The following ADARB1 variants were observed in gnomAD, a reference collection of about 807,000 sequenced individuals.
ADARB1 encodes the protein double-stranded RNA-specific editase 1.
Under a neutral mutation model 52.4 loss-of-function variants are expected in ADARB1, and 10 were observed. The observed-to-expected ratio is 0.19, with a 90% confidence interval of 0.12 to 0.32. ADARB1 has a LOEUF of 0.32. Ranked by LOEUF, ADARB1 falls within the 10% of genes least tolerant of loss-of-function variation. The pLI, the probability that ADARB1 is intolerant of heterozygous loss-of-function variation, is 1.00. For missense variants in ADARB1, 643 were observed against 922.3 expected, an observed-to-expected ratio of 0.70 and a Z score of 3.92; for synonymous variants, 349 against 371.1, an observed-to-expected ratio of 0.94 and a Z score of 0.68.
At chr21:45,178,525 C>A (rs958534858) in intron 4 of ADARB1, among the ~76,000 whole-genome samples, 4 of 152,196 alleles carry the variant, frequency 2.6e-5, no homozygotes, top group Non-Finnish European at 4.4e-5. Context: ...GTGACGTGTT[C>A]CTTGTAGGAC....
rs1162148529 is a variant in ADARB1, at chr21:45,157,315, A to G, written c.-47-14295A>G. Among the ~76,000 whole-genome samples, 1 of 152,244 alleles carries G rather than the reference A, an allele frequency of 6.6e-6. No individual in the cohort carries two copies. Among genetic ancestry groups the G allele is most frequent in the East Asian group, 1.9e-4 (1 of 5,200 alleles). On this transcript the variant is annotated intron_variant, in intron 2 of 10. Transcript: ENST00000348831. The surrounding 1 kb of genome is among the most constrained non-coding windows in gnomAD (Gnocchi z 4.1). ...AACAGTGCCAATTCTTAGTGCAGTTATAAGTGTTAATATTGAAAATAAAGT... is the reference window on the plus strand; with the variant it reads ...AACAGTGCCAATTCTTAGTGCAGTTGTAAGTGTTAATATTGAAAATAAAGT...
chr21:45,202,177 G>A (rs1320716970), intron 8 of ADARB1, among the ~76,000 whole-genome samples: 2 of 152,186 alleles, frequency 1.3e-5, no homozygotes, highest in African/African-American at 2.4e-5. Context: ...CCTTAGGAGA[G>A]GGCGTCATGA....
At position 45,127,301 on chromosome 21, in the gene ADARB1, A is replaced by AT. The variant is rs374149414; in HGVS notation, c.-219-1100dup. On this transcript the variant is annotated intron_variant, in intron 1 of 10. Coordinates refer to ENST00000348831, the MANE Select transcript of ADARB1 (RefSeq NM_001112.4). ...GGAGCTTGAATCTGGTGTGGGGATG[A>AT]TGGGGGTCATTGATAGTGGGGACAG... Among the ~76,000 whole-genome samples the AT allele has an allele frequency of 3.5e-3, 531 of 152,166 alleles. 4 individuals are homozygous for AT. The highest frequency in any genetic ancestry group is 0.012 in the African/African-American group (480 of 41,488).
chr21:45,128,876 T>G lies in ADARB1; in HGVS notation c.-48+303T>G, dbSNP rs2088760225. On this transcript the variant is annotated intron_variant, in intron 2 of 10. Coordinates refer to ENST00000348831, the MANE Select transcript of ADARB1 (RefSeq NM_001112.4). This position sits in a 1 kb window ranked among gnomAD's most constrained non-coding sequence, Gnocchi z 4.6. ...GCCCTCTTTGGGGTCAGTTCACCAT[T>G]TATTGAGTCAGTGCTTCATGCCGGG... 6.6e-6 allele frequency among the ~76,000 whole-genome samples: 1 copy of G among 152,186 alleles called. No homozygotes were observed. The highest frequency in any genetic ancestry group is 2.4e-5 in the African/African-American group (1 of 41,446).
chr21:45,206,407 A>T (rs1043061090), intron 9 of ADARB1, among the ~76,000 whole-genome samples: 17 of 152,360 alleles, frequency 1.1e-4, no homozygotes, highest in African/African-American at 3.8e-4. Flanking sequence ...AGTAGAGCTC[A>T]TTTATAAAAG....
chr21:45,140,046 C>G (rs190565393), intron 2 of ADARB1, among the ~76,000 whole-genome samples: 69 of 146,276 alleles, frequency 4.7e-4, no homozygotes, highest in African/African-American at 1.7e-3. Context: ...CAGGCTCAAG[C>G]GATTCTCCTG....
At chr21:45,184,796 G>T in intron 7 of ADARB1, 127 bp from the exon 8 acceptor site, 1 of 1,074,234 alleles carries the variant, frequency 9.3e-7, no homozygotes, top group Non-Finnish European at 1.4e-6. Context: ...TGTATGTATG[G>T]CATAAACATA....
intron 2 of ADARB1, among the ~76,000 whole-genome samples, chr21:45,169,596 G>A (rs1356758064): frequency 1.3e-5 from 2 of 152,174 alleles, no homozygotes; most frequent in Admixed American, 6.5e-5. Context: ...TGTGTTTTAT[G>A]TATAATATCC....
chr21:45,113,545 A>G (rs1374918824), intron 1 of ADARB1, among the ~76,000 whole-genome samples: 1 of 150,826 alleles, frequency 6.6e-6, no homozygotes, highest in African/African-American at 2.4e-5. Context: ...ATATGTTGAC[A>G]TGTGAGTTTT....
intron 2 of ADARB1, among the ~76,000 whole-genome samples, chr21:45,155,774 TCCATCCACCCACCCACCCAC>T (rs140368329): frequency 0.17 from 11,355 of 65,538 alleles, 806 homozygotes; most frequent in African/African-American, 0.31. Flanking sequence ...CATTCATCCA[TCCATCCACCCACCCACCCAC>T]CCATCATCAC....
intron 1 of ADARB1, among the ~76,000 whole-genome samples, chr21:45,101,680 T>C (rs1226928590): frequency 6.6e-6 from 1 of 152,202 alleles, no homozygotes; most frequent in East Asian, 1.9e-4. Context: ...ATTTCTTTCC[T>C]GAAGCAGAAA....
Position 45,220,721 on chromosome 21 carries a change from T to C in ADARB1, c.1748-115T>C. On this transcript the variant is annotated intron_variant, in intron 9 of 10. Transcript: ENST00000348831. This position sits in a 1 kb window ranked among gnomAD's most constrained non-coding sequence, Gnocchi z 6.3. ...TGCGTATATTCCTCGGCAGGCAGAA[T>C]TCCCCCACCACGCACTTCTGTGGCC... 1 of 1,131,452 alleles carries C rather than the reference T, an allele frequency of 8.8e-7. No homozygotes were observed. Among genetic ancestry groups the C allele is most frequent in the Non-Finnish European group, 1.3e-6 (1 of 781,612 alleles). The allele number at this position is 1,131,452 out of a possible 1,614,324, so 70.1% of individuals were successfully genotyped here.
chr21:45,176,252 A>G lies in ADARB1; in HGVS notation c.551A>G (p.Asp184Gly). ...DTLFNGFETP[D>G]KAEPPFYVGS... ...CTCTTCAATGGTTTTGAAACTCCTG[A>G]CAAGGCGGAGCCTCCCTTTTACGTG... The change falls in exon 4 of 11, where the codon GAC becomes GGC. Residue 184 changes from aspartate (D) to glycine (G), a missense_variant. Transcript: ENST00000348831. The surrounding 1 kb of genome is among the most constrained non-coding windows in gnomAD (Gnocchi z 5.8). 1 of 1,614,162 alleles carries G rather than the reference A, an allele frequency of 6.2e-7. No individual in the cohort carries two copies. Among genetic ancestry groups the G allele is most frequent in the Non-Finnish European group, 8.5e-7 (1 of 1,180,016 alleles).
intron 2 of ADARB1, among the ~76,000 whole-genome samples, chr21:45,150,188 C>T (rs928311923): frequency 1.3e-5 from 2 of 152,196 alleles, no homozygotes; most frequent in African/African-American, 4.8e-5. Context: ...GCAGGAGAAT[C>T]GCTTGAATCC....
At position 45,209,372 on chromosome 21, in the gene ADARB1, C is replaced by T. The variant is rs73386728; in HGVS notation, c.1747+4636C>T. Among the ~76,000 whole-genome samples the T allele has an allele frequency of 9.8e-3, 1,499 of 152,322 alleles. 29 individuals carry two copies. Among genetic ancestry groups the T allele is most frequent in the African/African-American group, 0.034 (1,433 of 41,564 alleles). ...AGTGCTCCTGCCCTTAACTCCACAT[C>T]CAGATTTATTTTTCACTTTGCTGGA... On this transcript the variant is annotated intron_variant, in intron 9 of 10. Transcript: ENST00000348831.
intron 1 of ADARB1, among the ~76,000 whole-genome samples, chr21:45,108,207 T>G (rs563631222): frequency 3.3e-5 from 5 of 152,236 alleles, no homozygotes; most frequent in African/African-American, 1.2e-4. Flanking sequence ...TCTAGGAAAA[T>G]GGGAAAAAGG....
chr21:45,110,400 G>A (rs902256947), intron 1 of ADARB1, among the ~76,000 whole-genome samples: 14 of 152,166 alleles, frequency 9.2e-5, no homozygotes, highest in African/African-American at 3.4e-4. Flanking sequence ...TGACCATCCG[G>A]CAAGTCTCTA....
intron 1 of ADARB1, among the ~76,000 whole-genome samples, chr21:45,084,089 C>G (rs2086249792): frequency 6.6e-6 from 1 of 152,204 alleles, no homozygotes; most frequent in Non-Finnish European, 1.5e-5. Flanking sequence ...AATCCCAGCC[C>G]TGCTTCTGAA....
At position 45,204,778 on chromosome 21, in the gene ADARB1, T is replaced by C; in HGVS notation, c.1747+42T>C. 6.3e-7 allele frequency: 1 copy of C among 1,590,820 alleles called. No individual in the cohort carries two copies. Among genetic ancestry groups the C allele is most frequent in the Non-Finnish European group, 8.6e-7 (1 of 1,164,262 alleles). On this transcript the variant is annotated intron_variant, in intron 9 of 10. Coordinates refer to ENST00000348831, the MANE Select transcript of ADARB1 (RefSeq NM_001112.4). This position sits in a 1 kb window ranked among gnomAD's most constrained non-coding sequence, Gnocchi z 4.4. ...TGTGCTGATTTAATCTCTGTCTTGA[T>C]TTTGCAATGTTTTCATCCTCATGAA...
Sources: allele counts gnomAD v4.1 joint callset (sites outside exome capture counted in the v4.1 genomes callset), GRCh38; gene constraint gnomAD v4.1.1; non-coding constraint Gnocchi (gnomAD v3.1); transcripts MANE v1.5; gene names NCBI Gene and HGNC (gene_info 2026-07-23, HGNC 2026-07-21).